The following VPS13A variants were observed in gnomAD, a reference collection of about 807,000 sequenced individuals.
VPS13A encodes vacuolar protein sorting 13 homolog A, also known as intermembrane lipid transfer protein VPS13A.
In VPS13A, 264 loss-of-function variants were observed where a neutral mutation model predicts 390.9. The ratio of observed to expected loss-of-function variants is 0.68; its 90% CI spans 0.61 to 0.75. The LOEUF is 0.75. VPS13A is among the 30% of genes least tolerant of loss of function. The pLI is 0.00. For missense variants in VPS13A, 3,409 were observed against 3,733.9 expected, an observed-to-expected ratio of 0.91 and a Z score of 2.27; for synonymous variants, 1,231 against 1,227.1, an observed-to-expected ratio of 1.00 and a Z score of -0.07.
intron 19 of VPS13A, among the ~76,000 whole-genome samples, chr9:77,246,343 A>T (rs62573193): frequency 0.2 from 30,877 of 152,010 alleles, 3,339 homozygotes; most frequent in Middle Eastern, 0.26. Context: ...TTGTATATGT[A>T]TTTTATTTGT....
At chr9:77,405,815 A>G (rs1199550771) in intron 69 of VPS13A, 49 bp from the exon 70 acceptor site, 2 of 1,606,812 alleles carry the variant, frequency 1.2e-6, no homozygotes, top group East Asian at 4.5e-5. Flanking sequence ...TATTGGATAT[A>G]AGTGCCTCAA....
intron 42 of VPS13A, among the ~76,000 whole-genome samples, chr9:77,319,907 G>A (rs1022895797): frequency 1.3e-5 from 2 of 151,812 alleles, no homozygotes; most frequent in African/African-American, 4.8e-5. Context: ...TACCACACTC[G>A]ACACTTTATT....
intron 67 of VPS13A, among the ~76,000 whole-genome samples, chr9:77,380,927 T>G (rs1008794930): frequency 1.3e-5 from 2 of 152,214 alleles, no homozygotes; most frequent in Non-Finnish European, 2.9e-5. Flanking sequence ...GAAACTTGCT[T>G]GCCACTACTC....
At chr9:77,365,376 G>A in intron 59 of VPS13A, 84 bp from the exon 60 acceptor site, 1 of 839,064 alleles carries the variant, frequency 1.2e-6, no homozygotes, top group African/African-American at 1.7e-5. Context: ...TTATAGAAGA[G>A]TTTTGGCAGT....
chr9:77,177,818 C>A lies in VPS13A; in HGVS notation c.100+14C>A. 1 of 1,599,542 alleles carries A rather than the reference C, an allele frequency of 6.3e-7. No homozygotes were observed. Among genetic ancestry groups the A allele is most frequent in the African/African-American group, 1.3e-5 (1 of 74,706 alleles). ...GCATCTGGAAAGGTAAGGAGGCCGC[C>A]GCCGCCGCTCCCCGGCCTCTCGTGC... On this transcript the variant is annotated intron_variant, in intron 1 of 71. Transcript: ENST00000360280.
chr9:77,302,058 A>G (rs1435226457), intron 33 of VPS13A, among the ~76,000 whole-genome samples: 3 of 151,894 alleles, frequency 2.0e-5, no homozygotes, highest in Admixed American at 6.6e-5. Flanking sequence ...CCTGGGTTCA[A>G]GTGATTCTTC....
At chr9:77,325,313 G>A (rs1283592980) in intron 45 of VPS13A, among the ~76,000 whole-genome samples, 3 of 151,998 alleles carry the variant, frequency 2.0e-5, no homozygotes, top group Admixed American at 6.6e-5. Flanking sequence ...GCCACAGACC[G>A]GTACAGCCCA....
At position 77,316,338 on chromosome 9, in the gene VPS13A, G is replaced by A. The variant is rs1829387011; in HGVS notation, c.4795G>A (p.Ala1599Thr). The A allele has an allele frequency of 5.0e-6, 8 of 1,613,126 alleles. No individual in the cohort carries two copies. The highest frequency in any genetic ancestry group is 1.3e-5 in the African/African-American group (1 of 74,948). ...GNLENSTMTA[A>T]IKDLQVRACP... ...CCTTGAAAATAGTACAATGACTGCT[G>A]CCATTAAAGATCTCCAAGTGAGAGC... The change falls in exon 39 of 72, where the codon GCC (alanine) becomes ACC (threonine). Residue 1599 changes from alanine (A) to threonine (T), a missense_variant. Physicochemically the swap from Ala to Thr is moderately conservative, Grantham distance 58 (BLOSUM62 0). This residue lies in a region of VPS13A where 2,717 missense variants were observed against 2,917.4 expected (regional missense o/e 0.93). Coordinates refer to ENST00000360280, the MANE Select transcript of VPS13A (RefSeq NM_033305.3).
rs548594547 is a variant in VPS13A at position 77,210,059 on chromosome 9, A to G, written c.495+527A>G. Among the ~76,000 whole-genome samples, 3 of 152,288 alleles carry G rather than the reference A, an allele frequency of 2.0e-5. No individual in the cohort carries two copies. The East Asian group carries it at 5.8e-4, about 29-fold the overall frequency. On this transcript the variant is annotated intron_variant, in intron 6 of 71. Coordinates refer to ENST00000360280, the MANE Select transcript of VPS13A (RefSeq NM_033305.3). ...TTCTAATTTGTTTTAGGAAAAATATAGGAATGAAAGTTTTTCTGGAAAGTA... is the reference window on the plus strand; with the variant it reads ...TTCTAATTTGTTTTAGGAAAAATATGGGAATGAAAGTTTTTCTGGAAAGTA...
intron 23 of VPS13A, among the ~76,000 whole-genome samples, chr9:77,262,966 G>A (rs1178408658): frequency 2.0e-5 from 3 of 152,112 alleles, no homozygotes; most frequent in Non-Finnish European, 4.4e-5. Context: ...GGATTGCTGG[G>A]TCAAATGGTA....
intron 45 of VPS13A, among the ~76,000 whole-genome samples, chr9:77,331,778 C>CTTAAAGT: frequency 6.6e-6 from 1 of 151,654 alleles, no homozygotes. Context: ...ATCTTATTCC[C>CTTAAAGT]CTGTAGGATG....
At chr9:77,236,522 G>C (rs1414795325) in intron 17 of VPS13A, among the ~76,000 whole-genome samples, 1 of 152,182 alleles carries the variant, frequency 6.6e-6, no homozygotes, top group Non-Finnish European at 1.5e-5. Context: ...TTTACCTACT[G>C]TAGTGGGTAG....
At chr9:77,266,108 G>T (rs1180179103) in intron 23 of VPS13A, among the ~76,000 whole-genome samples, 1 of 152,192 alleles carries the variant, frequency 6.6e-6, no homozygotes, top group African/African-American at 2.4e-5. Flanking sequence ...GGTTTTGAGT[G>T]AGTTTCTTAA....
At chr9:77,388,415 C>T (rs746505754) in intron 68 of VPS13A, among the ~76,000 whole-genome samples, 46 of 152,064 alleles carry the variant, frequency 3.0e-4, no homozygotes, top group Non-Finnish European at 2.8e-4. Flanking sequence ...ATTTATTGTC[C>T]GGTTTGTTTT....
chr9:77,237,667 A>G (rs1824231260), intron 17 of VPS13A, among the ~76,000 whole-genome samples: 1 of 152,180 alleles, frequency 6.6e-6, no homozygotes, highest in South Asian at 2.1e-4. Flanking sequence ...TCTGGCCTTT[A>G]AATGTTTATT....
At chr9:77,382,144 T>C in intron 68 of VPS13A, 57 bp downstream of exon 68, 2 of 1,440,542 alleles carry the variant, frequency 1.4e-6, no homozygotes, top group Non-Finnish European at 1.9e-6. Context: ...AGATTTTTTT[T>C]AAGTAGCCAT....
At chr9:77,257,963 C>G (rs976873238) in intron 22 of VPS13A, among the ~76,000 whole-genome samples, 1 of 152,050 alleles carries the variant, frequency 6.6e-6, no homozygotes, top group Non-Finnish European at 1.5e-5. Context: ...GAGTTATAAA[C>G]CAAAATTCTA....
intron 45 of VPS13A, among the ~76,000 whole-genome samples, chr9:77,331,122 T>G (rs1198566865): frequency 7.0e-6 from 1 of 143,092 alleles, no homozygotes; most frequent in Non-Finnish European, 1.5e-5. Context: ...ATTGAGATTG[T>G]TTTCATTTTC....
intron 55 of VPS13A, among the ~76,000 whole-genome samples, chr9:77,357,280 C>T (rs1209702090): frequency 7.4e-6 from 1 of 135,242 alleles, no homozygotes; most frequent in Non-Finnish European, 1.5e-5. Context: ...GATGGCCCCA[C>T]TGCGCTCCAG....
Sources: gnomAD v4.1 joint callset for allele counts (sites outside exome capture counted in the v4.1 genomes callset) on GRCh38, gnomAD v4.1.1 for gene constraint, gnomAD v4.1.1 regional missense constraint, MANE v1.5 for transcripts, NCBI Gene and HGNC (gene_info 2026-07-23, HGNC 2026-07-21) for gene names.